The following RBBP6 variants were observed in gnomAD, a reference collection of about 807,000 sequenced individuals.
The protein encoded by RBBP6 is RB binding protein 6, ubiquitin ligase.
Under a neutral mutation model 167.7 loss-of-function variants are expected in RBBP6, and 25 were observed. The observed-to-expected ratio is 0.15, with a 90% confidence interval of 0.11 to 0.21. RBBP6 has a LOEUF of 0.21. RBBP6 is among the 10% of genes least tolerant of loss of function. The pLI, the probability that RBBP6 is intolerant of heterozygous loss-of-function variation, is 1.00. For missense variants in RBBP6, 1,868 were observed against 2,134.2 expected (o/e 0.88, Z 2.46); for synonymous variants, 789 against 735.8 (o/e 1.07, Z -1.17).
At chr16:24,556,868 TAAATG>T (rs1428554406) in intron 7 of RBBP6, among the ~76,000 whole-genome samples, 1 of 152,142 alleles carries the variant, frequency 6.6e-6, no homozygotes, top group African/African-American at 2.4e-5. Context: ...GTGTCAGGCA[TAAATG>T]AAATACTGAA....
chr16:24,546,080 A>G, intron 1 of RBBP6, 83 bp from the exon 2 acceptor site: 1 of 1,461,358 alleles, frequency 6.8e-7, no homozygotes, highest in Non-Finnish European at 9.0e-7. Flanking sequence ...ATTTCCCATG[A>G]AATTTATATT....
intron 2 of RBBP6, among the ~76,000 whole-genome samples, chr16:24,547,746 G>A (rs900715852): frequency 2.6e-5 from 4 of 152,096 alleles, no homozygotes; most frequent in South Asian, 2.1e-4. Context: ...GTGAGCCACC[G>A]CACCCAGCCT....
chr16:24,544,639 A>AT (rs1408312333), intron 1 of RBBP6, among the ~76,000 whole-genome samples: 2 of 152,168 alleles, frequency 1.3e-5, no homozygotes, highest in South Asian at 2.1e-4. Context: ...AGATGGATAC[A>AT]TTTTTGCATC....
At position 24,561,982 on chromosome 16, in the gene RBBP6, G is replaced by A. The variant is rs1345632233; in HGVS notation, c.1110G>A (p.Met370Ile). Residue 370 changes from methionine (M) to isoleucine (I), a missense_variant, in exon 10 of 18, where the codon ATG becomes ATA. Physicochemically the swap from Met to Ile is conservative, Grantham distance 10. Coordinates refer to ENST00000319715, the MANE Select transcript of RBBP6 (RefSeq NM_006910.5). ...SPISRQQDPL[M>I]IPVTSSSTHP... ...TATCAAGACAACAAGATCCTCTTATGATTCCAGTGACATCTTCATCAACTC... is the reference window on the plus strand; with the variant it reads ...TATCAAGACAACAAGATCCTCTTATAATTCCAGTGACATCTTCATCAACTC... 2 of 1,613,284 alleles carry A rather than the reference G, an allele frequency of 1.2e-6. No individual in the cohort carries two copies. The highest frequency in any genetic ancestry group is 1.3e-5 in the African/African-American group (1 of 74,778).
Position 24,563,641 on chromosome 16 carries a change from T to C in RBBP6, c.1497T>C (p.Gly499=), listed in dbSNP as rs2141473577. Residue 499 remains glycine (G), a synonymous_variant, in exon 13 of 18, where the codon GGT becomes GGC. Coordinates refer to ENST00000319715, the MANE Select transcript of RBBP6 (RefSeq NM_006910.5). The part of the protein sequence containing the change: ...GPVRINTARP[G]GGRPGWEHSN... ...TAAGAATAAATACTGCTCGTCCAGGTGGTGGTCGACCAGGCTGGGAACAGT... is the reference window on the plus strand; with the variant it reads ...TAAGAATAAATACTGCTCGTCCAGGCGGTGGTCGACCAGGCTGGGAACAGT... 1.9e-6 allele frequency: 3 copies of C among 1,611,562 alleles called. No homozygotes were observed. The highest frequency in any genetic ancestry group is 4.5e-5 in the East Asian group (2 of 44,816).
In RBBP6 at chr16:24,559,526, G is replaced by A. The variant is rs1402391388; in HGVS notation, c.696G>A (p.Lys232=). 1.2e-6 allele frequency: 2 copies of A among 1,600,186 alleles called. No individual in the cohort carries two copies. The highest frequency in any genetic ancestry group is 1.7e-6 in the Non-Finnish European group (2 of 1,175,228). The change falls in exon 8 of 18, where the codon AAG becomes AAA. Residue 232 remains lysine (K), a synonymous_variant. Transcript: ENST00000319715. ...ACAGAGAAGCATATGCAATTGGGAA[G>A]AAAGAGAAACCTCCCTTCTTACCAG... is the stretch of plus-strand genomic sequence containing the variant. The part of the protein sequence containing the change: ...TIDAEAYAIG[K]KEKPPFLPEE...
At chr16:24,563,178 T>G (rs1899108963) in intron 10 of RBBP6, 21 bp from the exon 11 acceptor site, 1 of 1,565,760 alleles carries the variant, frequency 6.4e-7, no homozygotes. Flanking sequence ...TTTAATGTAT[T>G]ATAATTTATG....
intron 2 of RBBP6, among the ~76,000 whole-genome samples, chr16:24,546,482 A>G (rs894642817): frequency 8.5e-5 from 13 of 152,182 alleles, no homozygotes; most frequent in African/African-American, 2.9e-4. Context: ...TTATTAGGAA[A>G]AATTTTTCTC....
intron 3 of RBBP6, among the ~76,000 whole-genome samples, chr16:24,552,415 T>C (rs1018364278): frequency 6.6e-6 from 1 of 151,782 alleles, no homozygotes; most frequent in Non-Finnish European, 1.5e-5. Flanking sequence ...ACATTCTCCA[T>C]TTTAAATGAA....
intron 14 of RBBP6, among the ~76,000 whole-genome samples, chr16:24,565,911 A>T (rs1268015151): frequency 1.3e-5 from 2 of 152,180 alleles, no homozygotes; most frequent in Non-Finnish European, 2.9e-5. Context: ...TACCAAAAAA[A>T]TAAAATAACC....
intron 3 of RBBP6, chr16:24,549,260 A>T: frequency 8.0e-7 from 1 of 1,257,674 alleles, no homozygotes; most frequent in Non-Finnish European, 1.0e-6. Context: ...TTAATGTATG[A>T]TCCTTTTTAG....
chr16:24,541,872 G>A (rs1254943996), intron 1 of RBBP6, among the ~76,000 whole-genome samples: 1 of 152,104 alleles, frequency 6.6e-6, no homozygotes, highest in East Asian at 1.9e-4. Flanking sequence ...GGTGTGACAT[G>A]GATTCTTTTA....
At chr16:24,541,682 ATGTGACAAGCAGTC>A (rs1163452955) in intron 1 of RBBP6, among the ~76,000 whole-genome samples, 1 of 152,230 alleles carries the variant, frequency 6.6e-6, no homozygotes, top group East Asian at 1.9e-4. Context: ...CAGTAGATAA[ATGTGACAAGCAGTC>A]TTTCCTGACT....
chr16:24,561,597 A>C lies in RBBP6; in HGVS notation c.848-15A>C, dbSNP rs377191118. Reference sequence around the variant, plus strand: ...CCTACTATGCTTTTATTAATATTTGAAATCTTATACATAGGTATAAGAACA... The same window carrying C: ...CCTACTATGCTTTTATTAATATTTGCAATCTTATACATAGGTATAAGAACA... On this transcript the variant is annotated splice_polypyrimidine_tract_variant and intron_variant, in intron 8 of 17. Coordinates refer to ENST00000319715, the MANE Select transcript of RBBP6 (RefSeq NM_006910.5). 6.3e-7 allele frequency: 1 copy of C among 1,587,134 alleles called. No individual in the cohort carries two copies. Among genetic ancestry groups the C allele is most frequent in the Non-Finnish European group, 8.6e-7 (1 of 1,159,148 alleles).
chr16:24,546,022 T>C (rs748736267), intron 1 of RBBP6, 141 bp from the exon 2 acceptor site: 130 of 1,294,636 alleles, frequency 1.0e-4, no homozygotes, highest in Non-Finnish European at 1.2e-4. Context: ...GTTCTGACAA[T>C]ATCAGTAATC....
chr16:24,547,667 G>A (rs1388581307), intron 2 of RBBP6, among the ~76,000 whole-genome samples: 1 of 152,118 alleles, frequency 6.6e-6, no homozygotes, highest in Non-Finnish European at 1.5e-5. Flanking sequence ...TGTTGGCCCG[G>A]CTGGTTTCAA....
intron 7 of RBBP6, 118 bp from the exon 8 acceptor site, chr16:24,559,387 G>A (rs750210846): frequency 1.1e-5 from 8 of 722,592 alleles, no homozygotes; most frequent in Admixed American, 3.6e-5. Context: ...TATGGTGCTT[G>A]TCTAAACTAA....
chr16:24,555,369 A>G (rs1462535655), intron 4 of RBBP6: 2 of 336,968 alleles, frequency 5.9e-6, no homozygotes, highest in African/African-American at 4.3e-5. Flanking sequence ...GTCTTAATGT[A>G]AGGTACAAAC....
rs1177381684 is a variant in RBBP6, at chr16:24,539,714, G to A, written c.-913G>A. ...CCCTAGCCGCTGCCCAGCAGCTTGC[G>A]GGCGTGTTCTCGCGGTTCCGGGCCT... is the stretch of plus-strand genomic sequence containing the variant. On this transcript the variant is annotated 5_prime_UTR_variant, in exon 1 of 18. Coordinates refer to ENST00000319715, the MANE Select transcript of RBBP6 (RefSeq NM_006910.5). 6 of 152,194 alleles carry A rather than the reference G, an allele frequency of 3.9e-5. No homozygotes were observed. Among genetic ancestry groups the A allele is most frequent in the African/African-American group, 1.4e-4 (6 of 41,442 alleles). 9.4% of individuals were successfully genotyped at this position (152,194 alleles called of 1,614,324 possible). A position where few individuals can be genotyped will look rare whatever the true frequency, so the allele number is the denominator to read the frequency against.
Sources: gnomAD v4.1 joint callset for allele counts (sites outside exome capture counted in the v4.1 genomes callset) on GRCh38, gnomAD v4.1.1 for gene constraint, MANE v1.5 for transcripts, NCBI Gene and HGNC (gene_info 2026-07-23, HGNC 2026-07-21) for gene names.